Variants in MORF4L1 observed in about 807,000 individuals in gnomAD.
MORF4L1 encodes mortality factor 4-like protein 1.
In MORF4L1, 4 loss-of-function variants were observed where a neutral mutation model predicts 52.9. The ratio of observed to expected loss-of-function variants is 0.08; its 90% CI spans 0.04 to 0.17. The LOEUF (loss-of-function observed/expected upper bound fraction) is 0.17, where lower values mean the gene tolerates loss of function less well. Among genes scored for constraint, MORF4L1 ranks in the 10% least tolerant of loss-of-function variants. MORF4L1 has a pLI of 1.00. For missense variants in MORF4L1, 214 were observed against 390.4 expected (o/e 0.55, Z 3.81); for synonymous variants, 123 against 134.8 (o/e 0.91, Z 0.61).
In MORF4L1 at chr15:78,878,267, A is replaced by G. The variant is rs773303213; in HGVS notation, c.87+8A>G. 2 of 1,610,386 alleles carry G rather than the reference A, an allele frequency of 1.2e-6. No individual in the cohort carries two copies. The highest frequency in any genetic ancestry group is 2.7e-5 in the African/African-American group (2 of 74,834). On this transcript the variant is annotated splice_region_variant and intron_variant, in intron 2 of 11. Coordinates refer to ENST00000426013, the MANE Select transcript of MORF4L1 (RefSeq NM_006791.4). ...CTTCTTTATGAAGCAAAGGTATGAA[A>G]CTTGTTTTCTTTTGAGAAGTTGGCC...
At chr15:78,895,947 C>T (rs934469412) in intron 11 of MORF4L1, among the ~76,000 whole-genome samples, 3 of 152,062 alleles carry the variant, frequency 2.0e-5, no homozygotes, top group Admixed American at 2.0e-4. Flanking sequence ...TACTACTTGA[C>T]ATTTCACGTT....
intron 2 of MORF4L1, among the ~76,000 whole-genome samples, 156 bp from the exon 3 acceptor site, chr15:78,880,356 A>C (rs1311925181): frequency 1.3e-5 from 2 of 152,140 alleles, no homozygotes; most frequent in African/African-American, 4.8e-5. Context: ...ACTAATCTTC[A>C]GTTTTGTAAC....
intron 7 of MORF4L1, among the ~76,000 whole-genome samples, chr15:78,891,893 C>A (rs769366526): frequency 2.0e-5 from 3 of 152,000 alleles, no homozygotes; most frequent in Non-Finnish European, 4.4e-5. Context: ...GTTTTGATAT[C>A]CATGGTAAAT....
chr15:78,878,899 A>G (rs2056545877), intron 2 of MORF4L1, among the ~76,000 whole-genome samples: 1 of 152,232 alleles, frequency 6.6e-6, no homozygotes, highest in African/African-American at 2.4e-5. Context: ...ATGAGCCCGT[A>G]AAATACAAAA....
chr15:78,891,292 T>G, intron 6 of MORF4L1, 192 bp from the exon 7 acceptor site: 3 of 652,836 alleles, frequency 4.6e-6, no homozygotes, highest in Admixed American at 3.0e-5. Context: ...CTAAATGTTG[T>G]CTATACTAAA....
Position 78,886,236 on chromosome 15 carries a change from G to A in MORF4L1, c.242+9G>A. On this transcript the variant is annotated intron_variant, in intron 4 of 11. Coordinates refer to ENST00000426013, the MANE Select transcript of MORF4L1 (RefSeq NM_006791.4). ...CTTCAAAAAGCCAATCAGTAAGTTT[G>A]TTTTGTGAACTGAATATTAAGGAGA... 1 of 1,606,512 alleles carries A rather than the reference G, an allele frequency of 6.2e-7. No individual in the cohort carries two copies. Among genetic ancestry groups the A allele is most frequent in the Non-Finnish European group, 8.5e-7 (1 of 1,173,068 alleles).
chr15:78,885,779 A>G (rs1449317277), intron 3 of MORF4L1, among the ~76,000 whole-genome samples: 1 of 152,240 alleles, frequency 6.6e-6, no homozygotes, highest in Non-Finnish European at 1.5e-5. Context: ...ATTTTTAAAA[A>G]TAACTGAGTT....
chr15:78,890,486 T>G (rs115537399), intron 5 of MORF4L1, among the ~76,000 whole-genome samples: 4,362 of 151,996 alleles, frequency 0.029, 238 homozygotes, highest in African/African-American at 0.1. Flanking sequence ...GGTTTGCTTT[T>G]CTTTTTTTTT....
chr15:78,885,017 A>C (rs776554521), intron 3 of MORF4L1: 8 of 1,614,118 alleles, frequency 5.0e-6, no homozygotes, highest in Non-Finnish European at 6.8e-6. Context: ...ACACATGAGG[A>C]TATTGTAGCC....
chr15:78,891,757 A>G (rs987037208), intron 7 of MORF4L1, 185 bp downstream of exon 7: 1 of 544,348 alleles, frequency 1.8e-6, no homozygotes, highest in Admixed American at 3.4e-5. Context: ...GTAGCTCCAG[A>G]TTTACCTACC....
At chr15:78,875,354 G>A (rs930860567) in intron 1 of MORF4L1, among the ~76,000 whole-genome samples, 4 of 152,194 alleles carry the variant, frequency 2.6e-5, no homozygotes, top group Non-Finnish European at 5.9e-5. Context: ...AGAAGAGTAG[G>A]AACCAAGGTA....
At chr15:78,888,789 A>C (rs189067179) in intron 5 of MORF4L1, among the ~76,000 whole-genome samples, 1 of 151,498 alleles carries the variant, frequency 6.6e-6, no homozygotes, top group African/African-American at 2.4e-5. Flanking sequence ...GAAGCTTTTT[A>C]TTTTTTTTTA....
Position 78,894,010 on chromosome 15 carries a change from C to T in MORF4L1, c.630-48C>T, listed in dbSNP as rs746375355. On this transcript the variant is annotated intron_variant, in intron 9 of 11. Coordinates refer to ENST00000426013, the MANE Select transcript of MORF4L1 (RefSeq NM_006791.4). ...AAATTGGTTGAATTATTCTCTATGT[C>T]AGTTATTTTTATTGACCAGTTTTGG... The T allele has an allele frequency of 2.7e-6, 4 of 1,499,494 alleles. No individual in the cohort carries two copies. In the South Asian group the frequency reaches 4.8e-5, roughly 18 times the overall value. 92.9% of individuals were successfully genotyped at this position (1,499,494 alleles called of 1,614,324 possible).
chr15:78,893,767 G>A (rs892434128), intron 9 of MORF4L1, 140 bp downstream of exon 9: 1 of 657,658 alleles, frequency 1.5e-6, no homozygotes, highest in African/African-American at 1.8e-5. Context: ...TTTGACACAG[G>A]AGTTGGCTGG....
chr15:78,885,731 G>A (rs16970194), intron 3 of MORF4L1, among the ~76,000 whole-genome samples: 19,718 of 152,090 alleles, frequency 0.13, 1,357 homozygotes, highest in East Asian at 0.26. Flanking sequence ...AAAACACAAA[G>A]CTATATGGAA....
At chr15:78,885,053 C>T (rs763956925) in intron 3 of MORF4L1, 1 of 1,613,844 alleles carries the variant, frequency 6.2e-7, no homozygotes. Flanking sequence ...GAAGGAGCTC[C>T]CTCAGTACAC....
intron 3 of MORF4L1, chr15:78,884,912 G>C (rs1408410675): frequency 1.6e-6 from 2 of 1,241,056 alleles, no homozygotes; most frequent in Non-Finnish European, 2.3e-6. Flanking sequence ...TAAAGCTGAG[G>C]CTCAATTCTG....
At position 78,897,947 on chromosome 15, in the gene MORF4L1, A is replaced by G. The variant is rs1316618592; in HGVS notation, c.*880A>G. The G allele has an allele frequency of 1.3e-5, 2 of 152,030 alleles. No individual in the cohort carries two copies. Among genetic ancestry groups the G allele is most frequent in the African/African-American group, 4.8e-5 (2 of 41,376 alleles). The allele number at this position is 152,030 out of a possible 1,614,324, so 9.4% of individuals were successfully genotyped here. ...AGCTAAAAAGTTAGAAGTTTACATG[A>G]CTGTTTTTTTTATTTTCCCTAAATT... is the stretch of plus-strand genomic sequence containing the variant. On this transcript the variant is annotated 3_prime_UTR_variant, in exon 12 of 12. Coordinates refer to ENST00000426013, the MANE Select transcript of MORF4L1 (RefSeq NM_006791.4).
chr15:78,877,177 G>A (rs1198929464), intron 1 of MORF4L1, among the ~76,000 whole-genome samples: 1 of 142,936 alleles, frequency 7.0e-6, no homozygotes, highest in African/African-American at 2.6e-5. Context: ...CTGGAGTGCG[G>A]TGACAAGATC....
Sources: gnomAD v4.1 joint callset for allele counts (sites outside exome capture counted in the v4.1 genomes callset) on GRCh38, gnomAD v4.1.1 for gene constraint, MANE v1.5 for transcripts, NCBI Gene and HGNC (gene_info 2026-07-23, HGNC 2026-07-21) for gene names.